The following NUP214 variants were observed in gnomAD, a reference collection of about 807,000 sequenced individuals.
NUP214 encodes nuclear pore complex protein Nup214.
Under a neutral mutation model 196.2 loss-of-function variants are expected in NUP214, and 79 were observed. The observed-to-expected ratio is 0.40, with a 90% CI of 0.34 to 0.49. The LOEUF is 0.49. Ranked by LOEUF, NUP214 falls within the 20% of genes least tolerant of loss-of-function variation. The probability of loss-of-function intolerance (pLI) is 0.58; values close to 1 mark genes in which losing one functional copy is unlikely to be tolerated. For synonymous variants in NUP214, 1,020 were observed against 990.5 expected (o/e 1.03, Z -0.56); for missense variants, 2,468 against 2,539.0 (o/e 0.97, Z 0.60).
intron 32 of NUP214, among the ~76,000 whole-genome samples, chr9:131,223,734 T>TTATTTTA (rs1564219800): frequency 3.3e-5 from 1 of 30,724 alleles, no homozygotes; most frequent in African/African-American, 9.1e-5. Context: ...TTTATTTTTT[T>TTATTTTA]TTTTTTTTTT....
chr9:131,212,113 G>T (rs898773386), intron 30 of NUP214, among the ~76,000 whole-genome samples: 1 of 152,204 alleles, frequency 6.6e-6, no homozygotes. Context: ...TTACACGGTT[G>T]TAGATGAGGG....
intron 21 of NUP214, among the ~76,000 whole-genome samples, chr9:131,165,946 G>C (rs1224525564): frequency 6.6e-6 from 1 of 152,150 alleles, no homozygotes; most frequent in African/African-American, 2.4e-5. Context: ...TTGCCTGAAG[G>C]ACTGAGGTGG....
chr9:131,157,795 G>A (rs1341399361), intron 17 of NUP214, among the ~76,000 whole-genome samples: 2 of 151,556 alleles, frequency 1.3e-5, no homozygotes, highest in South Asian at 2.1e-4. Context: ...ACAGGCGCGC[G>A]CCACCACACC....
intron 22 of NUP214, among the ~76,000 whole-genome samples, 177 bp downstream of exon 22, chr9:131,174,495 C>T (rs1390480887): frequency 8.6e-6 from 1 of 116,160 alleles, no homozygotes; most frequent in African/African-American, 3.2e-5. Context: ...GTTGCCCAGG[C>T]TGGAGTGTAA....
intron 11 of NUP214, among the ~76,000 whole-genome samples, chr9:131,143,785 A>C (rs566444712): frequency 1.2e-4 from 19 of 152,118 alleles, no homozygotes; most frequent in African/African-American, 4.3e-4. Flanking sequence ...TTTTTTACAC[A>C]AATCTTAACC....
intron 28 of NUP214, 157 bp downstream of exon 28, chr9:131,195,451 A>T: frequency 2.0e-6 from 1 of 506,578 alleles, no homozygotes; most frequent in East Asian, 3.2e-5. Flanking sequence ...AATATGCTTA[A>T]TTTAAGAAAC....
chr9:131,155,678 GT>G (rs1311454941), intron 17 of NUP214, among the ~76,000 whole-genome samples: 6 of 152,190 alleles, frequency 3.9e-5, no homozygotes, highest in Admixed American at 3.9e-4. Flanking sequence ...TGAGGATCCA[GT>G]TTCATTCTTT....
chr9:131,192,169 C>CCTT, intron 26 of NUP214, 39 bp from the exon 27 acceptor site: 1 of 446,998 alleles, frequency 2.2e-6, no homozygotes, highest in Non-Finnish European at 3.1e-6. Context: ...TTGTAATATT[C>CCTT]TTTTTTTTTT....
intron 7 of NUP214, 64 bp from the exon 8 acceptor site, chr9:131,134,833 CT>C (rs1831669134): frequency 4.2e-6 from 4 of 949,364 alleles, no homozygotes; most frequent in Non-Finnish European, 6.7e-6. Flanking sequence ...ATTTGAGATT[CT>C]TTTGCTGTGG....
At chr9:131,130,392 G>A (rs1020613758) in intron 4 of NUP214, among the ~76,000 whole-genome samples, 3 of 151,682 alleles carry the variant, frequency 2.0e-5, no homozygotes, top group Non-Finnish European at 2.9e-5. Flanking sequence ...TGATCCGTCC[G>A]TCTCATCCTC....
At position 131,232,224 on chromosome 9, in the gene NUP214, G is replaced by A. The variant is rs375896115; in HGVS notation, c.6215-60G>A. The A allele has an allele frequency of 1.3e-3, 2,059 of 1,594,710 alleles. 5 individuals carry two copies. Among genetic ancestry groups the A allele is most frequent in the Non-Finnish European group, 1.7e-3 (1,920 of 1,162,448 alleles). On this transcript the variant is annotated intron_variant, in intron 34 of 35. Coordinates refer to ENST00000359428, the MANE Select transcript of NUP214 (RefSeq NM_005085.4). The surrounding 1 kb of genome is among the most constrained non-coding windows in gnomAD (Gnocchi z 5.1). Reference sequence around the variant, plus strand: ...GAGGAGGGCAGACACTTAGCATGGGGACCACCTTTGTCTTTCGAGTGGATG... The same window carrying A: ...GAGGAGGGCAGACACTTAGCATGGGAACCACCTTTGTCTTTCGAGTGGATG...
At chr9:131,157,181 G>A (rs1300622291) in intron 17 of NUP214, among the ~76,000 whole-genome samples, 1 of 151,124 alleles carries the variant, frequency 6.6e-6, no homozygotes. Context: ...TTTTGGACAC[G>A]GTCTTTCTCT....
At position 131,130,756 on chromosome 9, in the gene NUP214, C is replaced by G. The variant is rs368311772; in HGVS notation, c.593-10C>G. The G allele has an allele frequency of 6.2e-7, 1 of 1,613,644 alleles. No individual in the cohort carries two copies. Among genetic ancestry groups the G allele is most frequent in the African/African-American group, 1.3e-5 (1 of 74,998 alleles). On this transcript the variant is annotated splice_polypyrimidine_tract_variant and intron_variant, in intron 4 of 35. Coordinates refer to ENST00000359428, the MANE Select transcript of NUP214 (RefSeq NM_005085.4). ...TCTTGTTTTCATTTGGTAATACTGT[C>G]TTTGCTCAGTGTGCTGGAGCCCCAA...
rs961018432 is a variant in NUP214 at position 131,232,573 on chromosome 9, T to C, written c.6239+265T>C. 14 of 559,712 alleles carry C rather than the reference T, an allele frequency of 2.5e-5. No individual in the cohort carries two copies. Among genetic ancestry groups the C allele is most frequent in the Non-Finnish European group, 4.5e-5 (14 of 312,248 alleles). 34.7% of individuals were successfully genotyped at this position (559,712 alleles called of 1,614,324 possible). On this transcript the variant is annotated intron_variant, in intron 35 of 35. Transcript: ENST00000359428. This position sits in a 1 kb window ranked among gnomAD's most constrained non-coding sequence, Gnocchi z 5.1. ...AGCACGCCTGCCAGTGAGCTGGGCC[T>C]GAGGGCAGCGCTGAGGAGATGCTGC...
In NUP214 at chr9:131,198,772, G is replaced by C; in HGVS notation, c.5278G>C (p.Ala1760Pro). Reference protein sequence around the residue: ...FSSVPAFGQPASSTPTSTSGS... With the variant: ...FSSVPAFGQPPSSTPTSTSGS... ...TTCCGTGCCTGCCTTCGGTCAGCCT[G>C]CTTCCTCCACTCCCACATCCACCAG... is the stretch of plus-strand genomic sequence containing the variant. The change falls in exon 29 of 36, where the codon GCT (alanine) becomes CCT (proline). Residue 1760 changes from alanine to proline, a missense_variant. Transcript: ENST00000359428. 1 of 1,614,230 alleles carries C rather than the reference G, an allele frequency of 6.2e-7. No individual in the cohort carries two copies. Among genetic ancestry groups the C allele is most frequent in the South Asian group, 1.1e-5 (1 of 91,086 alleles).
intron 30 of NUP214, among the ~76,000 whole-genome samples, chr9:131,212,008 C>T (rs1834255985): frequency 2.0e-5 from 3 of 152,174 alleles, no homozygotes; most frequent in African/African-American, 4.8e-5. Context: ...GGAGAAATAA[C>T]ACTGAGTTCT....
intron 32 of NUP214, among the ~76,000 whole-genome samples, chr9:131,223,943 C>T (rs935354890): frequency 6.7e-6 from 1 of 149,144 alleles, no homozygotes; most frequent in Non-Finnish European, 1.5e-5. Flanking sequence ...ACCGTGTTAG[C>T]CAGGATGGTC....
chr9:131,131,100 GT>G lies in NUP214; in HGVS notation c.663+266del, dbSNP rs1214831706. Among the ~76,000 whole-genome samples the G allele has an allele frequency of 5.4e-4, 82 of 151,694 alleles. 1 individual carries two copies. The highest frequency in any genetic ancestry group is 1.5e-3 in the African/African-American group (64 of 41,376). On this transcript the variant is annotated intron_variant, in intron 5 of 35. Coordinates refer to ENST00000359428, the MANE Select transcript of NUP214 (RefSeq NM_005085.4). ...TATGGGTAGCTGCTTTTTTTTTGTT[GT>G]TGTTTTTATGTAAAATGTGATCATA...
chr9:131,174,367 A>G, intron 22 of NUP214, 49 bp downstream of exon 22: 2 of 1,578,570 alleles, frequency 1.3e-6, no homozygotes, highest in African/African-American at 2.7e-5. Flanking sequence ...GATGTTTCTA[A>G]CTAATGACGG....
Sources: allele counts gnomAD v4.1 joint callset (sites outside exome capture counted in the v4.1 genomes callset), GRCh38; gene constraint gnomAD v4.1.1; non-coding constraint Gnocchi (gnomAD v3.1); transcripts MANE v1.5; gene names NCBI Gene and HGNC (gene_info 2026-07-23, HGNC 2026-07-21).